Variants in ZFP82 observed in about 807,000 individuals in gnomAD.
ZFP82 encodes the protein zinc finger protein 82 homolog.
In ZFP82, 30 loss-of-function variants were observed where a neutral mutation model predicts 54.0. The ratio of observed to expected loss-of-function variants is 0.56; its 90% CI spans 0.42 to 0.75. The LOEUF (loss-of-function observed/expected upper bound fraction) is 0.75, where lower values mean the gene tolerates loss of function less well. ZFP82 is among the 30% of genes least tolerant of loss of function. The pLI is 0.00. For synonymous variants in ZFP82, 194 were observed against 209.5 expected, an observed-to-expected ratio of 0.93 and a Z score of 0.64; for missense variants, 500 against 636.8, an observed-to-expected ratio of 0.79 and a Z score of 2.31.
At chr19:36,417,071 TCAAA>T (rs1190775664) in intron 1 of ZFP82, among the ~76,000 whole-genome samples, 1 of 41,356 alleles carries the variant, frequency 2.4e-5, no homozygotes, top group African/African-American at 1.2e-4. Flanking sequence ...AGACCCTGTC[TCAAA>T]AAAAAAAAAA....
intron 3 of ZFP82, 59 bp downstream of exon 3, chr19:36,407,828 C>A: frequency 6.5e-7 from 1 of 1,547,114 alleles, no homozygotes. Context: ...GAAATTTCCA[C>A]AGGAAAAAGC....
chr19:36,383,754 A>G (rs1398573721), downstream of ZFP82: 2 of 152,218 alleles, frequency 1.3e-5, no homozygotes, highest in African/African-American at 4.8e-5. Context: ...TCATATGACA[A>G]TATCAACATA....
chr19:36,385,620 T>C (rs1396118875), downstream of ZFP82, among the ~76,000 whole-genome samples: 1 of 152,178 alleles, frequency 6.6e-6, no homozygotes, highest in Non-Finnish European at 1.5e-5. Flanking sequence ...TTTTTAGAGA[T>C]TACTTCAGTG....
intron 1 of ZFP82, among the ~76,000 whole-genome samples, 179 bp downstream of exon 1, chr19:36,418,313 G>A (rs2032707637): frequency 6.6e-6 from 1 of 151,902 alleles, no homozygotes; most frequent in African/African-American, 2.4e-5. Context: ...AGGATGCTGG[G>A]GTCAGTCACG....
In ZFP82 at chr19:36,393,427, T is replaced by C. The variant is rs148020230; in HGVS notation, c.913A>G (p.Ser305Gly). The C allele has an allele frequency of 8.2e-5, 132 of 1,613,592 alleles. No homozygotes were observed. Among genetic ancestry groups the C allele is most frequent in the Non-Finnish European group, 1.9e-5 (23 of 1,179,924 alleles). Residue 305 changes from serine (S) to glycine (G), a missense_variant, in exon 5 of 5, where the codon AGT becomes GGT. Coordinates refer to ENST00000392161, the MANE Select transcript of ZFP82 (RefSeq NM_133466.4). ...AHLTRHQKLNSADRLYECKEC... is the reference protein window; with the variant it reads ...AHLTRHQKLNGADRLYECKEC... ...TTGCATTCATAGAGCCTGTCAGCACTATTAAGCTTCTGATGCCGAGTCAGG... is the reference window on the plus strand; with the variant it reads ...TTGCATTCATAGAGCCTGTCAGCACCATTAAGCTTCTGATGCCGAGTCAGG...
At chr19:36,402,383 G>A (rs1244850128) in intron 4 of ZFP82, among the ~76,000 whole-genome samples, 1 of 143,522 alleles carries the variant, frequency 7.0e-6, no homozygotes, top group Non-Finnish European at 1.5e-5. Flanking sequence ...GCAAGAGAAC[G>A]GCGTGAACCC....
At chr19:36,414,225 G>C (rs2032629791) in intron 1 of ZFP82, among the ~76,000 whole-genome samples, 1 of 151,810 alleles carries the variant, frequency 6.6e-6, no homozygotes, top group African/African-American at 2.4e-5. Flanking sequence ...TAAAAATTTG[G>C]TATTTGCTGA....
At chr19:36,416,875 C>T (rs1289071381) in intron 1 of ZFP82, among the ~76,000 whole-genome samples, 1 of 149,270 alleles carries the variant, frequency 6.7e-6, no homozygotes, top group African/African-American at 2.5e-5. Flanking sequence ...GAGTTTGAGA[C>T]CAGCCTGGCC....
intron 1 of ZFP82, among the ~76,000 whole-genome samples, chr19:36,412,521 T>C (rs1004114814): frequency 2.0e-5 from 3 of 152,218 alleles, no homozygotes; most frequent in African/African-American, 4.8e-5. Flanking sequence ...TGTGTTCATG[T>C]ATGTCAGAGT....
chr19:36,416,085 GT>G (rs2032664305), intron 1 of ZFP82, among the ~76,000 whole-genome samples: 1 of 152,146 alleles, frequency 6.6e-6, no homozygotes, highest in Admixed American at 6.6e-5. Context: ...ATGATTAAAG[GT>G]TTTGTGAGTC....
At chr19:36,415,859 A>G (rs2032660565) in intron 1 of ZFP82, among the ~76,000 whole-genome samples, 2 of 152,208 alleles carry the variant, frequency 1.3e-5, no homozygotes, top group Non-Finnish European at 2.9e-5. Flanking sequence ...ACTGTTCTTC[A>G]TCAAAACGAT....
chr19:36,387,293 C>T (rs1418146923), downstream of ZFP82, among the ~76,000 whole-genome samples: 1 of 152,110 alleles, frequency 6.6e-6, no homozygotes, highest in African/African-American at 2.4e-5. Context: ...TTGAATGTGT[C>T]CCCCAATGCT....
At chr19:36,400,169 T>C (rs1568486137) in intron 4 of ZFP82, among the ~76,000 whole-genome samples, 1 of 152,212 alleles carries the variant, frequency 6.6e-6, no homozygotes, top group African/African-American at 2.4e-5. Context: ...TGTAGAAAAG[T>C]CCTTTTTTTG....
At position 36,404,186 on chromosome 19, in the gene ZFP82, G is replaced by A. The variant is rs145376062; in HGVS notation, c.229+1394C>T. On this transcript the variant is annotated intron_variant, in intron 4 of 4. Coordinates refer to ENST00000392161, the MANE Select transcript of ZFP82 (RefSeq NM_133466.4). ...GCCACCTGTCTATTTATTAAAGACC[G>A]AAGTAAAAGTCCTAAACCCCGACAG... 5.8e-3 allele frequency among the ~76,000 whole-genome samples: 881 copies of A among 152,236 alleles called. 12 individuals carry two copies. Among genetic ancestry groups the A allele is most frequent in the African/African-American group, 0.02 (847 of 41,544 alleles).
At chr19:36,409,995 A>G (rs572550767) in intron 1 of ZFP82, 128 bp from the exon 2 acceptor site, 7 of 562,242 alleles carry the variant, frequency 1.2e-5, no homozygotes, top group South Asian at 4.4e-5. Flanking sequence ...ACACGCGCGC[A>G]CACACACATA....
rs1381958216 is a variant in ZFP82 at position 36,417,701 on chromosome 19, T to C, written c.-79+791A>G. On this transcript the variant is annotated intron_variant, in intron 1 of 4. Transcript: ENST00000392161. ...AGATGGTGTTGTTAACTCTTCCCAG[T>C]ATCAAAGAAAGGCCAGGGTCATGGA... 2.0e-5 allele frequency among the ~76,000 whole-genome samples: 3 copies of C among 152,066 alleles called. No individual in the cohort carries two copies. In the East Asian group the frequency reaches 5.8e-4, roughly 29 times the overall value.
intron 1 of ZFP82, among the ~76,000 whole-genome samples, chr19:36,410,895 G>T (rs1486542933): frequency 6.6e-6 from 1 of 151,684 alleles, no homozygotes. Context: ...CACATGAAGA[G>T]AAATAAAACC....
intron 1 of ZFP82, among the ~76,000 whole-genome samples, chr19:36,413,923 T>A (rs10414054): frequency 6.8e-6 from 1 of 147,972 alleles, no homozygotes; most frequent in African/African-American, 2.5e-5. Context: ...TTTTTTGAGA[T>A]GCAGTCTCGC....
Position 36,393,842 on chromosome 19 carries a change from A to G in ZFP82, c.498T>C (p.Val166=), listed in dbSNP as rs149521606. 1.4e-3 allele frequency: 2,257 copies of G among 1,614,218 alleles called. 5 individuals carry two copies. Among genetic ancestry groups the G allele is most frequent in the Non-Finnish European group, 1.8e-3 (2,134 of 1,180,034 alleles). ...SVTPHQRLHF[V]DKPYECKECG... Reference sequence around the variant, plus strand: ...ATTCCTTACATTCATAGGGTTTATCAACAAAATGAAGTCTCTGATGTGGAG... The same window carrying G: ...ATTCCTTACATTCATAGGGTTTATCGACAAAATGAAGTCTCTGATGTGGAG... The change falls in exon 5 of 5, where the codon GTT becomes GTC. Residue 166 remains valine, a synonymous_variant. Coordinates refer to ENST00000392161, the MANE Select transcript of ZFP82 (RefSeq NM_133466.4).
Sources: gnomAD v4.1 joint callset for allele counts (sites outside exome capture counted in the v4.1 genomes callset) on GRCh38, gnomAD v4.1.1 for gene constraint, MANE v1.5 for transcripts, NCBI Gene and HGNC (gene_info 2026-07-23, HGNC 2026-07-21) for gene names.